The following TTC39B variants were observed in gnomAD, a reference collection of about 807,000 sequenced individuals.
TTC39B encodes the protein tetratricopeptide repeat domain 39B.
Under a neutral mutation model 96.6 loss-of-function variants are expected in TTC39B, and 92 were observed. That is an observed-to-expected ratio of 0.95 (90% CI 0.80 to 1.13). The LOEUF is 1.13. Among genes scored for constraint, TTC39B ranks in the 50% most tolerant of loss-of-function variants. The probability of loss-of-function intolerance (pLI) is 0.00; values close to 1 mark genes in which losing one functional copy is unlikely to be tolerated. For missense variants in TTC39B, 955 were observed against 809.3 expected, an observed-to-expected ratio of 1.18 and a Z score of -2.18; for synonymous variants, 367 against 299.4, an observed-to-expected ratio of 1.23 and a Z score of -2.33.
chr9:15,259,214 C>T (rs1822860086), intron 2 of TTC39B, among the ~76,000 whole-genome samples: 1 of 152,168 alleles, frequency 6.6e-6, no homozygotes, highest in Non-Finnish European at 1.5e-5. Context: ...AAATTGACAG[C>T]AACTTTGACT....
At chr9:15,206,587 T>A (rs957714299) in intron 6 of TTC39B, among the ~76,000 whole-genome samples, 6 of 152,236 alleles carry the variant, frequency 3.9e-5, no homozygotes, top group Non-Finnish European at 1.5e-5. Context: ...ATCTCTTAAT[T>A]ATAAATTCCT....
intron 1 of TTC39B, among the ~76,000 whole-genome samples, chr9:15,282,450 A>C (rs778991952): frequency 6.6e-6 from 1 of 152,234 alleles, no homozygotes; most frequent in Admixed American, 6.5e-5. Flanking sequence ...TATAAAACTT[A>C]ATCTTAACAT....
chr9:15,250,034 T>C (rs1822462623), intron 2 of TTC39B: 1 of 1,285,810 alleles, frequency 7.8e-7, no homozygotes, highest in Admixed American at 2.3e-5. Context: ...CAAACCTCAA[T>C]TTTAGAGCCA....
chr9:15,204,916 T>A (rs1819758249), intron 6 of TTC39B, among the ~76,000 whole-genome samples: 1 of 152,306 alleles, frequency 6.6e-6, no homozygotes, highest in East Asian at 1.9e-4. Flanking sequence ...CCATTATACT[T>A]GCAGAGGATG....
intron 2 of TTC39B, among the ~76,000 whole-genome samples, chr9:15,229,122 T>C (rs1245677823): frequency 3.9e-5 from 6 of 152,250 alleles, no homozygotes; most frequent in Non-Finnish European, 8.8e-5. Flanking sequence ...TTTTCTCATT[T>C]CATTAATAAG....
chr9:15,170,604 G>A (rs1031048292), exon 20 of TTC39B: 14 of 152,094 alleles, frequency 9.2e-5, no homozygotes, highest in Non-Finnish European at 1.8e-4. Context: ...GCTGAGCTAC[G>A]TACTCCGTGT....
At chr9:15,202,538 C>G (rs1033679728) in intron 7 of TTC39B, among the ~76,000 whole-genome samples, 3 of 151,980 alleles carry the variant, frequency 2.0e-5, no homozygotes, top group Non-Finnish European at 2.9e-5. Flanking sequence ...ATGGTGAAAC[C>G]CTGTCTCTAC....
chr9:15,286,385 A>C (rs1823975561), intron 1 of TTC39B, among the ~76,000 whole-genome samples: 2 of 152,094 alleles, frequency 1.3e-5, no homozygotes, highest in Middle Eastern at 3.2e-3. Context: ...TCCTCATTTA[A>C]AGCTTCTCTG....
At chr9:15,210,028 T>G in intron 6 of TTC39B, 60 bp downstream of exon 6, 14 of 1,211,102 alleles carry the variant, frequency 1.2e-5, no homozygotes, top group Non-Finnish European at 1.4e-5. Context: ...TGGAATTTTA[T>G]GAGATGATCA....
chr9:15,172,674 T>C (rs1337602913), intron 19 of TTC39B, among the ~76,000 whole-genome samples: 3 of 152,146 alleles, frequency 2.0e-5, no homozygotes, highest in African/African-American at 7.2e-5. Context: ...ATCCAAAGAT[T>C]ATTTAAAACC....
At chr9:15,267,765 A>T (rs1823189016) in intron 2 of TTC39B, 149 bp downstream of exon 2, 2 of 615,300 alleles carry the variant, frequency 3.3e-6, no homozygotes, top group Non-Finnish European at 5.6e-6. Flanking sequence ...ATATAATCAC[A>T]TCCTCTTTAA....
chr9:15,228,264 G>C (rs1821234420), intron 2 of TTC39B, among the ~76,000 whole-genome samples: 1 of 152,160 alleles, frequency 6.6e-6, no homozygotes, highest in South Asian at 2.1e-4. Flanking sequence ...AGGAGTTTGA[G>C]ACCAGCCTGG....
intron 2 of TTC39B, among the ~76,000 whole-genome samples, chr9:15,256,721 G>T (rs112053600): frequency 0.044 from 6,642 of 152,236 alleles, 227 homozygotes; most frequent in Non-Finnish European, 0.064. Flanking sequence ...CCAGCAAAAA[G>T]CCCTCAAAAG....
At chr9:15,275,889 T>G (rs971685664) in intron 1 of TTC39B, among the ~76,000 whole-genome samples, 2 of 152,200 alleles carry the variant, frequency 1.3e-5, no homozygotes, top group Admixed American at 1.3e-4. Flanking sequence ...CTAAAAGTGA[T>G]CTACACACAA....
chr9:15,191,499 T>C (rs904718135), intron 9 of TTC39B, among the ~76,000 whole-genome samples: 7 of 152,202 alleles, frequency 4.6e-5, no homozygotes, highest in East Asian at 1.9e-4. Context: ...CTCTATAGAA[T>C]ACTGGGACCT....
At chr9:15,210,782 C>T (rs1820149814) in intron 5 of TTC39B, among the ~76,000 whole-genome samples, 1 of 151,942 alleles carries the variant, frequency 6.6e-6, no homozygotes, top group Non-Finnish European at 1.5e-5. Context: ...ATCAAAATAA[C>T]TTACCCCTTG....
intron 3 of TTC39B, among the ~76,000 whole-genome samples, chr9:15,214,709 C>A (rs904357737): frequency 2.0e-5 from 3 of 152,112 alleles, no homozygotes; most frequent in African/African-American, 7.2e-5. Context: ...CTCCTTTGAA[C>A]CTGTTATAAC....
chr9:15,215,273 G>T (rs1381950914), intron 3 of TTC39B, among the ~76,000 whole-genome samples: 2 of 151,994 alleles, frequency 1.3e-5, no homozygotes, highest in Admixed American at 6.5e-5. Context: ...GCTGGGTGTG[G>T]TGGCTGATTA....
chr9:15,249,864 G>T, intron 2 of TTC39B: 2 of 1,161,478 alleles, frequency 1.7e-6, no homozygotes, highest in Non-Finnish European at 2.2e-6. Flanking sequence ...TAGATTTAAA[G>T]AGAACATTTG....
Sources: allele counts gnomAD v4.1 joint callset (sites outside exome capture counted in the v4.1 genomes callset), GRCh38; gene constraint gnomAD v4.1.1; transcripts MANE v1.5; gene names NCBI Gene and HGNC (gene_info 2026-07-23, HGNC 2026-07-21).